The following TFEB variants were observed in gnomAD, a reference collection of about 807,000 sequenced individuals.
TFEB encodes T-cell transcription factor EB.
TFEB carries 12 observed loss-of-function variants against 48.0 expected under a neutral mutation model. That is an observed-to-expected ratio of 0.25 (90% CI 0.16 to 0.40). The LOEUF (loss-of-function observed/expected upper bound fraction) is 0.40. Among genes scored for constraint, TFEB ranks in the 10% least tolerant of loss-of-function variants. The pLI is 1.00. For synonymous variants in TFEB, 244 were observed against 261.4 expected (o/e 0.93, Z 0.64); for missense variants, 509 against 640.3 (o/e 0.79, Z 2.21).
At chr6:41,711,789 C>T (rs1770491139) in intron 1 of TFEB, among the ~76,000 whole-genome samples, 1 of 152,218 alleles carries the variant, frequency 6.6e-6, no homozygotes, top group Admixed American at 6.5e-5. Context: ...GTCTGGGCAC[C>T]CTCACCTTGG....
Position 41,686,058 on chromosome 6 carries a change from GT to G in TFEB, c.951+31del, listed in dbSNP as rs750621333. On this transcript the variant is annotated intron_variant, in intron 8 of 8. Coordinates refer to ENST00000373033, the MANE Select transcript of TFEB (RefSeq NM_001271944.2). Reference sequence around the variant, plus strand: ...GCCAGGAGCCAGGTTAAGGGTCAGAGTTACCAAAGAAGTCCAAGTTCAGGAC... The same window carrying G: ...GCCAGGAGCCAGGTTAAGGGTCAGAGTACCAAAGAAGTCCAAGTTCAGGAC... 4.0e-5 allele frequency: 65 copies of G among 1,613,976 alleles called. No individual in the cohort carries two copies. The Admixed American group carries it at 8.0e-4, about 20-fold the overall frequency.
At chr6:41,687,627 A>T (rs924000813) in intron 6 of TFEB, 126 bp downstream of exon 6, 49 of 1,207,152 alleles carry the variant, frequency 4.1e-5, no homozygotes, top group Middle Eastern at 3.9e-4. Context: ...GGCTTAAGCC[A>T]TCTGCAAGTG....
rs570242056 is a variant in TFEB, at chr6:41,719,984, A to G, written c.-23+15366T>C. 1.5e-4 allele frequency among the ~76,000 whole-genome samples: 23 copies of G among 152,338 alleles called. No individual in the cohort carries two copies. The East Asian group carries it at 4.2e-3, about 28-fold the overall frequency. On this transcript the variant is annotated intron_variant, in intron 1 of 8. Transcript: ENST00000373033. ...CGGTTGTTGTATAAAGTTTGCAAATATATAAAAGTGCTTAGCACAGCGCTG... is the reference window on the plus strand; with the variant it reads ...CGGTTGTTGTATAAAGTTTGCAAATGTATAAAAGTGCTTAGCACAGCGCTG...
rs745391817 is a variant in TFEB at position 41,684,903 on chromosome 6, G to A, written c.1127C>T (p.Pro376Leu). The change falls in exon 9 of 9, where the codon CCC becomes CTC. Residue 376 changes from proline to leucine, a missense_variant. Physicochemically the swap from Pro to Leu is moderately conservative, Grantham distance 98. Coordinates refer to ENST00000373033, the MANE Select transcript of TFEB (RefSeq NM_001271944.2). ...GGGCAGGGGCAGCGGGGCTTGCGGG[G>A]GCAGAGCTGGCAGTGGCTCAGGGTC... Reference protein sequence around the residue: ...VPDPEPLPALPPQAPLPLPTQ... With the variant: ...VPDPEPLPALLPQAPLPLPTQ... 10 of 1,568,734 alleles carry A rather than the reference G, an allele frequency of 6.4e-6. No homozygotes were observed. Among genetic ancestry groups the A allele is most frequent in the East Asian group, 2.3e-5 (1 of 43,914 alleles).
chr6:41,698,497 G>A (rs770886776), intron 1 of TFEB, among the ~76,000 whole-genome samples: 1 of 152,204 alleles, frequency 6.6e-6, no homozygotes, highest in African/African-American at 2.4e-5. Flanking sequence ...TCCTCAAAGA[G>A]CAGAGATAAT....
intron 3 of TFEB, 73 bp from the exon 4 acceptor site, chr6:41,689,884 C>G: frequency 8.0e-7 from 1 of 1,243,942 alleles, no homozygotes; most frequent in Non-Finnish European, 1.2e-6. Flanking sequence ...TTGGGACAAC[C>G]ACTGACCTGG....
intron 1 of TFEB, among the ~76,000 whole-genome samples, chr6:41,725,125 C>A (rs980600587): frequency 3.3e-5 from 5 of 152,200 alleles, no homozygotes; most frequent in Admixed American, 6.5e-5. Context: ...GTGACTTCCT[C>A]GAGGCCATGC....
At position 41,734,841 on chromosome 6, in the gene TFEB, T is replaced by G; in HGVS notation, c.-23+509A>C. 2.1e-6 allele frequency: 2 copies of G among 930,332 alleles called. No individual in the cohort carries two copies. Among genetic ancestry groups the G allele is most frequent in the Non-Finnish European group, 2.6e-6 (2 of 780,748 alleles). 57.6% of individuals were successfully genotyped at this position (930,332 alleles called of 1,614,324 possible). ...CAGCCCCCGGGGCGTGGCGCCGCTC[T>G]GGCCCTCCCACTCCCCCCGCTGGCC... On this transcript the variant is annotated intron_variant, in intron 1 of 8. Transcript: ENST00000373033. This position sits in a 1 kb window ranked among gnomAD's most constrained non-coding sequence, Gnocchi z 4.0.
At position 41,734,972 on chromosome 6, in the gene TFEB, G is replaced by T; in HGVS notation, c.-23+378C>A. 1.0e-6 allele frequency: 1 copy of T among 985,432 alleles called. No homozygotes were observed. The highest frequency in any genetic ancestry group is 1.2e-6 in the Non-Finnish European group (1 of 829,984). 61.0% of individuals were successfully genotyped at this position (985,432 alleles called of 1,614,324 possible). ...GGGGGAGTGGGCGCGGGGCCCGCGC[G>T]TCCCTCAAACTTCTTGCGAGTTCAC... is the stretch of plus-strand genomic sequence containing the variant. On this transcript the variant is annotated intron_variant, in intron 1 of 8. Transcript: ENST00000373033. This position sits in a 1 kb window ranked among gnomAD's most constrained non-coding sequence, Gnocchi z 4.0.
chr6:41,691,360 A>G lies in TFEB; in HGVS notation c.-22-125T>C, dbSNP rs982686096. The G allele has an allele frequency of 1.0e-6, 1 of 982,624 alleles. No individual in the cohort carries two copies. The highest frequency in any genetic ancestry group is 1.4e-5 in the South Asian group (1 of 72,120). 60.9% of individuals were successfully genotyped at this position (982,624 alleles called of 1,614,324 possible). On this transcript the variant is annotated intron_variant, in intron 1 of 8. Transcript: ENST00000373033. This position sits in a 1 kb window ranked among gnomAD's most constrained non-coding sequence, Gnocchi z 5.2. ...TTAGAGGAGAAGACACCGAGCCCTGAGAGGGGAAGAGATTTGCCCAAGGTC... is the reference window on the plus strand; with the variant it reads ...TTAGAGGAGAAGACACCGAGCCCTGGGAGGGGAAGAGATTTGCCCAAGGTC...
intron 1 of TFEB, chr6:41,735,072 G>C (rs924563261): frequency 3.8e-5 from 37 of 985,028 alleles, no homozygotes; most frequent in Non-Finnish European, 4.5e-5. Context: ...CTCCCGCCCG[G>C]TTACATAAGG....
chr6:41,702,614 G>A (rs994885134), intron 1 of TFEB, among the ~76,000 whole-genome samples: 9 of 151,456 alleles, frequency 5.9e-5, no homozygotes, highest in African/African-American at 1.2e-4. Context: ...TGGATGCTAC[G>A]TCAGCCTATG....
At chr6:41,719,227 T>A (rs1770875243) in intron 1 of TFEB, among the ~76,000 whole-genome samples, 1 of 152,170 alleles carries the variant, frequency 6.6e-6, no homozygotes, top group South Asian at 2.1e-4. Context: ...GATGGGACCG[T>A]CTAGTGGCAG....
At chr6:41,686,386 G>C (rs1205321024) in intron 7 of TFEB, 149 bp from the exon 8 acceptor site, 3 of 952,410 alleles carry the variant, frequency 3.1e-6, no homozygotes, top group East Asian at 5.1e-5. Context: ...ATCTCAGTTT[G>C]CACAGAATGG....
intron 1 of TFEB, among the ~76,000 whole-genome samples, chr6:41,715,934 C>T (rs1770718339): frequency 6.6e-6 from 1 of 152,164 alleles, no homozygotes; most frequent in African/African-American, 2.4e-5. Context: ...TGGTGCCTGG[C>T]TATAACAACT....
At chr6:41,695,957 G>A (rs555128945) in intron 1 of TFEB, among the ~76,000 whole-genome samples, 373 of 152,300 alleles carry the variant, frequency 2.4e-3, no homozygotes, top group African/African-American at 8.7e-3. Context: ...TGCCCTGCTC[G>A]GTGCAGTGGT....
chr6:41,736,071 C>A, upstream of TFEB: 1 of 1,590,504 alleles, frequency 6.3e-7, no homozygotes, highest in Non-Finnish European at 8.6e-7. Flanking sequence ...GTGAGCCTGG[C>A]GAAGTACAGG....
At chr6:41,695,018 G>A (rs1769503759) in intron 1 of TFEB, among the ~76,000 whole-genome samples, 2 of 152,138 alleles carry the variant, frequency 1.3e-5, no homozygotes, top group Non-Finnish European at 2.9e-5. Context: ...AGCTGACTCT[G>A]CCTCAAAGCC....
chr6:41,705,175 C>T (rs1561861362), intron 1 of TFEB, among the ~76,000 whole-genome samples: 1 of 152,202 alleles, frequency 6.6e-6, no homozygotes, highest in East Asian at 1.9e-4. Flanking sequence ...GTGCCTGGGC[C>T]TGTGTGCTCC....
Sources: gnomAD v4.1 joint callset for allele counts (sites outside exome capture counted in the v4.1 genomes callset) on GRCh38, gnomAD v4.1.1 for gene constraint, Gnocchi (gnomAD v3.1) non-coding constraint, MANE v1.5 for transcripts, NCBI Gene and HGNC (gene_info 2026-07-23, HGNC 2026-07-21) for gene names.